Variants in LDHAL6B observed in about 807,000 individuals in gnomAD.
LDHAL6B encodes the protein lactate dehydrogenase A like 6B.
For missense variants in LDHAL6B, 523 were observed against 473.9 expected, an observed-to-expected ratio of 1.10 and a Z score of -0.96; for synonymous variants, 205 against 170.6, an observed-to-expected ratio of 1.20 and a Z score of -1.57.
At position 59,207,012 on chromosome 15, in the gene LDHAL6B, G is replaced by A. The variant is rs756910522; in HGVS notation, c.72G>A (p.Leu24=). Residue 24 remains leucine (L), a synonymous_variant, in exon 1 of 1, where the codon CTG becomes CTA. Coordinates refer to ENST00000307144, the MANE Select transcript of LDHAL6B (RefSeq NM_033195.3). ...CGGTGGGAGCGAATTTCCTATGCCT[G>A]GGGATGGCCCTGTGTCCGCGTCAAG... The part of the protein sequence containing the change: ...VSSVGANFLC[L]GMALCPRQAT... The A allele has an allele frequency of 1.2e-5, 20 of 1,614,044 alleles. No individual in the cohort carries two copies. Among genetic ancestry groups the A allele is most frequent in the South Asian group, 5.5e-5 (5 of 91,080 alleles).
rs554952558 is a variant in LDHAL6B, at chr15:59,207,415, G to C, written c.475G>C (p.Val159Leu). Residue 159 changes from valine to leucine, a missense_variant, in exon 1 of 1, where the codon GTC (valine) becomes CTC (leucine). Physicochemically the swap from Val to Leu is conservative, Grantham distance 32. Transcript: ENST00000307144. ...QEKGETRLNL[V>L]QRNVAIFKLM... ...AAAGGGAGAAACGCGCCTTAATTTAGTCCAGCGAAATGTGGCCATCTTCAA... is the reference window on the plus strand; with the variant it reads ...AAAGGGAGAAACGCGCCTTAATTTACTCCAGCGAAATGTGGCCATCTTCAA... 2.2e-4 allele frequency: 358 copies of C among 1,614,040 alleles called. 4 individuals carry two copies. In the South Asian group the frequency reaches 3.6e-3, roughly 16 times the overall value.
In LDHAL6B at chr15:59,207,845, G is replaced by C; in HGVS notation, c.905G>C (p.Gly302Ala). The change falls in exon 1 of 1, where the codon GGC becomes GCC. Residue 302 changes from glycine to alanine, a missense_variant. Coordinates refer to ENST00000307144, the MANE Select transcript of LDHAL6B (RefSeq NM_033195.3). ...KMKGYTSWAI[G>A]LSVADLTESI... ...AAAGGTTATACTTCTTGGGCCATTG[G>C]CCTATCTGTGGCCGATTTAACAGAA... 2 of 1,614,186 alleles carry C rather than the reference G, an allele frequency of 1.2e-6. No homozygotes were observed. Among genetic ancestry groups the C allele is most frequent in the East Asian group, 4.5e-5 (2 of 44,890 alleles).
chr15:59,207,869 A>C lies in LDHAL6B; in HGVS notation c.929A>C (p.Glu310Ala), dbSNP rs185619025. 605 of 1,614,232 alleles carry C rather than the reference A, an allele frequency of 3.7e-4. No individual in the cohort carries two copies. The highest frequency in any genetic ancestry group is 4.7e-4 in the Non-Finnish European group (554 of 1,180,030). Residue 310 changes from glutamate to alanine, a missense_variant, in exon 1 of 1, where the codon GAA becomes GCA. By Grantham distance (107) the Glu-to-Ala change is moderately radical. Coordinates refer to ENST00000307144, the MANE Select transcript of LDHAL6B (RefSeq NM_033195.3). The stretch of plus-strand genomic sequence containing the variant: ...GGCCTATCTGTGGCCGATTTAACAG[A>C]AAGTATTTTGAAGAATCTTAGGAGA... Reference protein sequence around the residue: ...AIGLSVADLTESILKNLRRIH... With the variant: ...AIGLSVADLTASILKNLRRIH...
rs1164768975 is a variant in LDHAL6B at position 59,207,321 on chromosome 15, T to C, written c.381T>C (p.Val127=). 6.2e-7 allele frequency: 1 copy of C among 1,614,008 alleles called. No homozygotes were observed. The highest frequency in any genetic ancestry group is 1.3e-5 in the African/African-American group (1 of 74,926). The change falls in exon 1 of 1, where the codon GTT becomes GTC. Residue 127 remains valine (V), a synonymous_variant. Transcript: ENST00000307144. ...CTTTCACGAAAATGCCAAATATTGT[T>C]TGTAGCAAAGATTACTTTGTCACAG... ...GSPFTKMPNI[V]CSKDYFVTAN...
Position 59,207,449 on chromosome 15 carries a change from T to C in LDHAL6B, c.509T>C (p.Ile170Thr). ...AATGTGGCCATCTTCAAGTTAATGATTTCCAGTATTGTCCAGTACAGCCCC... is the reference window on the plus strand; with the variant it reads ...AATGTGGCCATCTTCAAGTTAATGACTTCCAGTATTGTCCAGTACAGCCCC... ...QRNVAIFKLM[I>T]SSIVQYSPHC... Residue 170 changes from isoleucine to threonine, a missense_variant, in exon 1 of 1, where the codon ATT becomes ACT. By Grantham distance (89) the Ile-to-Thr change is moderately conservative. Coordinates refer to ENST00000307144, the MANE Select transcript of LDHAL6B (RefSeq NM_033195.3). 6.2e-7 allele frequency: 1 copy of C among 1,614,068 alleles called. No homozygotes were observed. The highest frequency in any genetic ancestry group is 1.1e-5 in the South Asian group (1 of 91,082).
In LDHAL6B at chr15:59,207,261, G is replaced by A; in HGVS notation, c.321G>A (p.Leu107=). The stretch of plus-strand genomic sequence containing the variant: ...TTGTGGATCTTGATGAAGACAAACT[G>A]AAGGGTGAGACGATGGATCTTCAAC... ...LALVDLDEDK[L]KGETMDLQHG... Residue 107 remains leucine, a synonymous_variant, in exon 1 of 1, where the codon CTG becomes CTA. Coordinates refer to ENST00000307144, the MANE Select transcript of LDHAL6B (RefSeq NM_033195.3). 2 of 1,614,228 alleles carry A rather than the reference G, an allele frequency of 1.2e-6. No individual in the cohort carries two copies. The highest frequency in any genetic ancestry group is 1.7e-6 in the Non-Finnish European group (2 of 1,180,048).
In LDHAL6B at chr15:59,208,264, C is replaced by G. The variant is rs2079853711; in HGVS notation, c.*178C>G. ...TTGAGCATCCACGTGCTGGACGATA[C>G]TTATTTACAATTCCTAAGTATTTTT... is the stretch of plus-strand genomic sequence containing the variant. On this transcript the variant is annotated 3_prime_UTR_variant, in exon 1 of 1. Coordinates refer to ENST00000307144, the MANE Select transcript of LDHAL6B (RefSeq NM_033195.3). 3 of 614,412 alleles carry G rather than the reference C, an allele frequency of 4.9e-6. No individual in the cohort carries two copies. Among genetic ancestry groups the G allele is most frequent in the Non-Finnish European group, 8.4e-6 (3 of 358,092 alleles). 38.1% of individuals were successfully genotyped at this position (614,412 alleles called of 1,614,324 possible). A position where few individuals can be genotyped will look rare whatever the true frequency, so the allele number is the denominator to read the frequency against.
At position 59,207,720 on chromosome 15, in the gene LDHAL6B, G is replaced by C. The variant is rs2079848164; in HGVS notation, c.780G>C (p.Leu260Phe). 1 of 1,614,180 alleles carries C rather than the reference G, an allele frequency of 6.2e-7. No homozygotes were observed. Among genetic ancestry groups the C allele is most frequent in the Non-Finnish European group, 8.5e-7 (1 of 1,180,030 alleles). Reference sequence around the variant, plus strand: ...GAGTGAACATAGCTGGTGTCCCTTTGAAGGATCTGAACTCTGATATAGGAA... The same window carrying C: ...GAGTGAACATAGCTGGTGTCCCTTTCAAGGATCTGAACTCTGATATAGGAA... ...WSGVNIAGVPLKDLNSDIGTD... is the reference protein window; with the variant it reads ...WSGVNIAGVPFKDLNSDIGTD... The change falls in exon 1 of 1, where the codon TTG becomes TTC. Residue 260 changes from leucine (L) to phenylalanine (F), a missense_variant. Leu to Phe is a conservative substitution (Grantham distance 22, BLOSUM62 0). Transcript: ENST00000307144.
Position 59,207,047 on chromosome 15 carries a change from T to C in LDHAL6B, c.107T>C (p.Ile36Thr), listed in dbSNP as rs757012705. Reference sequence around the variant, plus strand: ...CTGTGTCCGCGTCAAGCAACGCGCATCCCGCTCAACGGCACCTGGCTCTTC... The same window carrying C: ...CTGTGTCCGCGTCAAGCAACGCGCACCCCGCTCAACGGCACCTGGCTCTTC... The part of the protein sequence containing the change: ...MALCPRQATR[I>T]PLNGTWLFTP... The change falls in exon 1 of 1, where the codon ATC becomes ACC. Residue 36 changes from isoleucine (I) to threonine (T), a missense_variant. Coordinates refer to ENST00000307144, the MANE Select transcript of LDHAL6B (RefSeq NM_033195.3). The C allele has an allele frequency of 5.6e-6, 9 of 1,614,242 alleles. No individual in the cohort carries two copies. In the Admixed American group the frequency reaches 1.0e-4, roughly 18 times the overall value.
At position 59,207,707 on chromosome 15, in the gene LDHAL6B, C is replaced by G. The variant is rs771539915; in HGVS notation, c.767C>G (p.Ala256Gly). Residue 256 changes from alanine (A) to glycine (G), a missense_variant, in exon 1 of 1, where the codon GCT (alanine) becomes GGT (glycine). Coordinates refer to ENST00000307144, the MANE Select transcript of LDHAL6B (RefSeq NM_033195.3). Reference protein sequence around the residue: ...SVPVWSGVNIAGVPLKDLNSD... With the variant: ...SVPVWSGVNIGGVPLKDLNSD... ...CCTGTGTGGAGTGGAGTGAACATAG[C>G]TGGTGTCCCTTTGAAGGATCTGAAC... The G allele has an allele frequency of 1.9e-6, 3 of 1,614,038 alleles. No homozygotes were observed. The African/African-American group carries it at 4.0e-5, about 22-fold the overall frequency.
At position 59,208,214 on chromosome 15, in the gene LDHAL6B, T is replaced by C. The variant is rs1469471968; in HGVS notation, c.*128T>C. Reference sequence around the variant, plus strand: ...GAAAGTAGGTAGAGTGATTTTCCTATTTATTTAGTCCTCCAGCTCTTTTAT... The same window carrying C: ...GAAAGTAGGTAGAGTGATTTTCCTACTTATTTAGTCCTCCAGCTCTTTTAT... On this transcript the variant is annotated 3_prime_UTR_variant, in exon 1 of 1. Transcript: ENST00000307144. 4.9e-6 allele frequency: 4 copies of C among 819,576 alleles called. No individual in the cohort carries two copies. The highest frequency in any genetic ancestry group is 7.5e-6 in the Non-Finnish European group (4 of 535,106). The allele number at this position is 819,576 out of a possible 1,614,324, so 50.8% of individuals were successfully genotyped here. A position where few individuals can be genotyped will look rare whatever the true frequency, so the allele number is the denominator to read the frequency against.
Position 59,207,369 on chromosome 15 carries a change from C to T in LDHAL6B, c.429C>T (p.Ile143=). 1.2e-6 allele frequency: 2 copies of T among 1,614,056 alleles called. No homozygotes were observed. Among genetic ancestry groups the T allele is most frequent in the Non-Finnish European group, 1.7e-6 (2 of 1,179,912 alleles). The change falls in exon 1 of 1, where the codon ATC becomes ATT. Residue 143 remains isoleucine, a synonymous_variant. Coordinates refer to ENST00000307144, the MANE Select transcript of LDHAL6B (RefSeq NM_033195.3). ...FVTANSNLVI[I]TAGARQEKGE... is the part of the protein sequence containing the mutation. Reference sequence around the variant, plus strand: ...CAGCAAACTCCAACCTAGTGATTATCACAGCAGGTGCACGCCAAGAAAAGG... The same window carrying T: ...CAGCAAACTCCAACCTAGTGATTATTACAGCAGGTGCACGCCAAGAAAAGG...
chr15:59,207,524 TA>T, the LDHAL6B span: 1 of 1,614,056 alleles, frequency 6.2e-7, no homozygotes, highest in Non-Finnish European at 8.5e-7. Context: ...TTAACTTATG[TA>T]GCTTGGAAGT....
rs770211369 is a variant in LDHAL6B at position 59,208,014 on chromosome 15, C to A, written c.1074C>A (p.Thr358=). The change falls in exon 1 of 1, where the codon ACC becomes ACA. Residue 358 remains threonine (T), a synonymous_variant. Coordinates refer to ENST00000307144, the MANE Select transcript of LDHAL6B (RefSeq NM_033195.3). The part of the protein sequence containing the change: ...GITNLIKIKL[T]PEEEAHLKKS... Reference sequence around the variant, plus strand: ...CCAACCTTATAAAGATAAAGCTGACCCCTGAAGAAGAGGCCCATCTGAAAA... The same window carrying A: ...CCAACCTTATAAAGATAAAGCTGACACCTGAAGAAGAGGCCCATCTGAAAA... The A allele has an allele frequency of 3.7e-6, 6 of 1,608,254 alleles. No homozygotes were observed. In the South Asian group the frequency reaches 6.7e-5, roughly 18 times the overall value.
In LDHAL6B at chr15:59,207,585, T is replaced by C. The variant is rs1391104557; in HGVS notation, c.645T>C (p.Asp215=). 8.7e-6 allele frequency: 14 copies of C among 1,614,042 alleles called. 1 individual carries two copies. In the African/African-American group the frequency reaches 1.3e-4, roughly 15 times the overall value. ...NRIIGSGCNL[D]TARFRFLIGQ... is the part of the protein sequence containing the mutation. ...TTATTGGAAGCGGCTGTAATCTGGA[T>C]ACTGCTCGTTTTCGTTTCTTGATTG... Residue 215 remains aspartate (D), a synonymous_variant, in exon 1 of 1, where the codon GAT becomes GAC. Transcript: ENST00000307144.
Position 59,207,008 on chromosome 15 carries a change from G to A in LDHAL6B, c.68G>A (p.Cys23Tyr). 1 of 1,614,076 alleles carries A rather than the reference G, an allele frequency of 6.2e-7. No individual in the cohort carries two copies. The highest frequency in any genetic ancestry group is 1.1e-5 in the South Asian group (1 of 91,072). ...RVSSVGANFLCLGMALCPRQA... is the reference protein window; with the variant it reads ...RVSSVGANFLYLGMALCPRQA... ...AGCTCGGTGGGAGCGAATTTCCTAT[G>A]CCTGGGGATGGCCCTGTGTCCGCGT... The change falls in exon 1 of 1, where the codon TGC (cysteine) becomes TAC (tyrosine). Residue 23 changes from cysteine (C) to tyrosine (Y), a missense_variant. Transcript: ENST00000307144.
In LDHAL6B at chr15:59,207,063, C is replaced by G. The variant is rs1170967390; in HGVS notation, c.123C>G (p.Thr41=). ...RQATRIPLNG[T]WLFTPVSKMA... is the part of the protein sequence containing the mutation. ...CAACGCGCATCCCGCTCAACGGCAC[C>G]TGGCTCTTCACCCCCGTGAGCAAGA... Residue 41 remains threonine (T), a synonymous_variant, in exon 1 of 1, where the codon ACC becomes ACG. Coordinates refer to ENST00000307144, the MANE Select transcript of LDHAL6B (RefSeq NM_033195.3). 2 of 1,614,190 alleles carry G rather than the reference C, an allele frequency of 1.2e-6. No individual in the cohort carries two copies. The highest frequency in any genetic ancestry group is 8.5e-7 in the Non-Finnish European group (1 of 1,179,986).
In LDHAL6B at chr15:59,207,411, T is replaced by C. The variant is rs578172582; in HGVS notation, c.471T>C (p.Asn157=). Residue 157 remains asparagine, a synonymous_variant, in exon 1 of 1, where the codon AAT becomes AAC. Coordinates refer to ENST00000307144, the MANE Select transcript of LDHAL6B (RefSeq NM_033195.3). ...ARQEKGETRL[N]LVQRNVAIFK... is the part of the protein sequence containing the mutation. ...AAGAAAAGGGAGAAACGCGCCTTAATTTAGTCCAGCGAAATGTGGCCATCT... is the reference window on the plus strand; with the variant it reads ...AAGAAAAGGGAGAAACGCGCCTTAACTTAGTCCAGCGAAATGTGGCCATCT... The C allele has an allele frequency of 3.3e-5, 54 of 1,614,084 alleles. No homozygotes were observed. The Middle Eastern group carries it at 6.6e-4, about 20-fold the overall frequency.
In LDHAL6B at chr15:59,208,400, C is replaced by G. The variant is rs2079854730; in HGVS notation, c.*314C>G. The stretch of plus-strand genomic sequence containing the variant: ...GTGTTCTAGAAATTCCGACTCTTTT[C>G]ATTAGATATATGCTATTTCTTTCAT... On this transcript the variant is annotated 3_prime_UTR_variant, in exon 1 of 1. Transcript: ENST00000307144. 1 of 565,118 alleles carries G rather than the reference C, an allele frequency of 1.8e-6. No individual in the cohort carries two copies. Among genetic ancestry groups the G allele is most frequent in the East Asian group, 3.2e-5 (1 of 31,304 alleles). 35.0% of individuals were successfully genotyped at this position (565,118 alleles called of 1,614,324 possible).
Sources: gnomAD v4.1 joint callset for allele counts on GRCh38, gnomAD v4.1.1 for gene constraint, MANE v1.5 for transcripts, NCBI Gene and HGNC (gene_info 2026-07-23, HGNC 2026-07-21) for gene names.